The following CAT variants were observed in gnomAD, a reference collection of about 807,000 sequenced individuals.
The protein encoded by CAT is catalase, also known as epididymis secretory sperm binding protein.
A neutral mutation model predicts 59.0 loss-of-function variants in CAT; 43 were observed. That is an observed-to-expected ratio of 0.73 (90% CI 0.57 to 0.94). The LOEUF is 0.94. Ranked by LOEUF, CAT falls within the 40% of genes least tolerant of loss-of-function variation. The pLI is 0.00. For missense variants in CAT, 664 were observed against 682.9 expected (o/e 0.97, Z 0.31); for synonymous variants, 218 against 230.9 (o/e 0.94, Z 0.51).
intron 9 of CAT, among the ~76,000 whole-genome samples, chr11:34,462,289 T>G (rs1191525430): frequency 6.6e-6 from 1 of 152,154 alleles, no homozygotes; most frequent in African/African-American, 2.4e-5. Flanking sequence ...CAAACAAAGT[T>G]TATTTTTCTA....
intron 6 of CAT, 146 bp downstream of exon 6, chr11:34,454,072 A>G: frequency 2.5e-6 from 2 of 798,734 alleles, no homozygotes; most frequent in Non-Finnish European, 4.0e-6. Flanking sequence ...CTCATTGATC[A>G]GTACTGATTT....
intron 11 of CAT, 75 bp from the exon 12 acceptor site, chr11:34,470,883 G>A (rs913036837): frequency 3.2e-6 from 4 of 1,249,500 alleles, no homozygotes; most frequent in East Asian, 4.6e-5. Flanking sequence ...ATAAACACTG[G>A]GAAACCACAG....
chr11:34,439,231 T>G, intron 1 of CAT, 152 bp downstream of exon 1: 1 of 756,658 alleles, frequency 1.3e-6, no homozygotes. Context: ...CAGACGGACT[T>G]TTACATTCGC....
intron 8 of CAT, among the ~76,000 whole-genome samples, chr11:34,457,739 A>G (rs797011521): frequency 6.6e-6 from 1 of 152,200 alleles, no homozygotes. Context: ...TAATTGGCTT[A>G]ATAATTACTG....
chr11:34,449,093 C>G, intron 1 of CAT, 99 bp from the exon 2 acceptor site: 1 of 1,035,116 alleles, frequency 9.7e-7, no homozygotes, highest in Admixed American at 1.9e-5. Context: ...AAAAAGAGGG[C>G]AGATGGTATA....
At chr11:34,464,293 C>T (rs1590308545) in intron 10 of CAT, 58 bp downstream of exon 10, 1 of 1,510,512 alleles carries the variant, frequency 6.6e-7, no homozygotes. Flanking sequence ...TTGTCAATGC[C>T]TGCATAATCC....
intron 4 of CAT, 68 bp from the exon 5 acceptor site, chr11:34,453,022 A>G (rs1171805250): frequency 9.9e-6 from 9 of 905,040 alleles, no homozygotes; most frequent in Non-Finnish European, 1.7e-5. Flanking sequence ...ATAGGCATAT[A>G]TAATGAAAGA....
chr11:34,471,396 G>T lies in CAT; in HGVS notation c.1547G>T (p.Gly516Val). The change falls in exon 13 of 13, where the codon GGA becomes GTA. Residue 516 changes from glycine (G) to valine (V), a missense_variant. Coordinates refer to ENST00000241052, the MANE Select transcript of CAT (RefSeq NM_001752.4). ...GCGATTCACACCTTTGTGCAGTCCG[G>T]ATCTCACTTGGCGGCAAGGGAGAAG... Reference protein sequence around the residue: ...KNAIHTFVQSGSHLAAREKAN... With the variant: ...KNAIHTFVQSVSHLAAREKAN... 6.2e-7 allele frequency: 1 copy of T among 1,613,922 alleles called. No individual in the cohort carries two copies. Among genetic ancestry groups the T allele is most frequent in the Non-Finnish European group, 8.5e-7 (1 of 1,179,836 alleles).
At chr11:34,468,226 T>C (rs1177361187) in intron 10 of CAT, 62 bp from the exon 11 acceptor site, 1 of 1,111,214 alleles carries the variant, frequency 9.0e-7, no homozygotes, top group East Asian at 2.3e-5. Context: ...TTGTAGTAGG[T>C]GAATTTTGTT....
intron 8 of CAT, among the ~76,000 whole-genome samples, chr11:34,457,157 G>C (rs1171864877): frequency 6.9e-6 from 1 of 145,922 alleles, no homozygotes; most frequent in Non-Finnish European, 1.5e-5. Context: ...CTGAAGTATG[G>C]TTAATTAATT....
chr11:34,467,263 T>C (rs1299414520), intron 10 of CAT, among the ~76,000 whole-genome samples: 2 of 152,364 alleles, frequency 1.3e-5, no homozygotes, highest in East Asian at 1.9e-4. Context: ...ACAGATATAG[T>C]GACCCAGTCG....
intron 12 of CAT, 137 bp from the exon 13 acceptor site, chr11:34,471,231 G>A (rs1210555288): frequency 2.3e-6 from 2 of 876,614 alleles, no homozygotes; most frequent in Non-Finnish European, 3.8e-6. Flanking sequence ...CTTCATTTTA[G>A]CGCTGGGCAA....
chr11:34,469,989 C>T (rs893747083), intron 11 of CAT, among the ~76,000 whole-genome samples: 3 of 151,940 alleles, frequency 2.0e-5, no homozygotes, highest in Non-Finnish European at 2.9e-5. Context: ...TTTTTTTCCC[C>T]GACAATAAGC....
chr11:34,457,102 A>C, intron 8 of CAT: 1 of 418,714 alleles, frequency 2.4e-6, no homozygotes, highest in Non-Finnish European at 4.3e-6. Context: ...TAATAGAAAT[A>C]CCTTAAGTAT....
chr11:34,451,852 G>A (rs1856526865), intron 3 of CAT, among the ~76,000 whole-genome samples: 1 of 152,188 alleles, frequency 6.6e-6, no homozygotes, highest in Non-Finnish European at 1.5e-5. Context: ...GACATTGTCA[G>A]CTGTTATTAC....
intron 8 of CAT, among the ~76,000 whole-genome samples, chr11:34,458,005 C>G (rs1249584110): frequency 6.6e-6 from 1 of 152,220 alleles, no homozygotes; most frequent in Non-Finnish European, 1.5e-5. Flanking sequence ...TCAACTGTTA[C>G]AAATTGAGTA....
Position 34,452,345 on chromosome 11 carries a change from A to C in CAT, c.480+138A>C. 4.1e-6 allele frequency: 3 copies of C among 729,542 alleles called. No homozygotes were observed. The Admixed American group carries it at 6.9e-5, about 17-fold the overall frequency. 45.2% of individuals were successfully genotyped at this position (729,542 alleles called of 1,614,324 possible). ...TTGTCTGGACTACTTTTTTCAACAC[A>C]TTTTTCTGTATTTAATAAGATAAAG... On this transcript the variant is annotated intron_variant, in intron 4 of 12. Coordinates refer to ENST00000241052, the MANE Select transcript of CAT (RefSeq NM_001752.4).
chr11:34,456,358 C>T (rs1260044165), intron 7 of CAT, among the ~76,000 whole-genome samples, 156 bp downstream of exon 7: 1 of 152,154 alleles, frequency 6.6e-6, no homozygotes, highest in African/African-American at 2.4e-5. Flanking sequence ...TGAGTGCTTA[C>T]CAGCATCTTA....
Position 34,464,201 on chromosome 11 carries a change from G to A in CAT, c.1292G>A (p.Arg431Lys). ...ATCCAATATTCTGGAGAAGTGCGGAGATTCAACACTGCCAATGATGATAAC... is the reference window on the plus strand; with the variant it reads ...ATCCAATATTCTGGAGAAGTGCGGAAATTCAACACTGCCAATGATGATAAC... ...HSIQYSGEVR[R>K]FNTANDDNVT... Residue 431 changes from arginine to lysine, a missense_variant, in exon 10 of 13, where the codon AGA becomes AAA. Physicochemically the swap from Arg to Lys is conservative, Grantham distance 26. Transcript: ENST00000241052. 3 of 1,614,016 alleles carry A rather than the reference G, an allele frequency of 1.9e-6. No homozygotes were observed. The highest frequency in any genetic ancestry group is 2.5e-6 in the Non-Finnish European group (3 of 1,179,890).
Sources: gnomAD v4.1 joint callset for allele counts (sites outside exome capture counted in the v4.1 genomes callset) on GRCh38, gnomAD v4.1.1 for gene constraint, MANE v1.5 for transcripts, NCBI Gene and HGNC (gene_info 2026-07-23, HGNC 2026-07-21) for gene names.